ERC1: variants seen among roughly 807,000 people sequenced by gnomAD.
ERC1 encodes the protein RAB6 interacting protein 2.
Under a neutral mutation model 132.0 loss-of-function variants are expected in ERC1, and 56 were observed. The observed-to-expected ratio is 0.42, with a 90% CI of 0.34 to 0.53. The LOEUF (loss-of-function observed/expected upper bound fraction) is 0.53. Among genes scored for constraint, ERC1 ranks in the 20% least tolerant of loss-of-function variants. The probability of loss-of-function intolerance (pLI) is 0.03; values close to 1 mark genes in which losing one functional copy is unlikely to be tolerated. For synonymous variants in ERC1, 478 were observed against 476.1 expected (o/e 1.00, Z -0.05); for missense variants, 1,202 against 1,349.9 (o/e 0.89, Z 1.72).
At chr12:1,079,155 T>C (rs1402089468) in intron 2 of ERC1, among the ~76,000 whole-genome samples, 2 of 145,080 alleles carry the variant, frequency 1.4e-5, no homozygotes, top group African/African-American at 4.9e-5. Context: ...CAAGTCGATA[T>C]ACAGAGATAC....
At chr12:1,425,765 C>A (rs983209548) in intron 17 of ERC1, among the ~76,000 whole-genome samples, 1 of 152,124 alleles carries the variant, frequency 6.6e-6, no homozygotes, top group Non-Finnish European at 1.5e-5. Flanking sequence ...TTAAATTCCT[C>A]AAGGTTCAGA....
chr12:1,049,019 A>C (rs140988669), intron 2 of ERC1, among the ~76,000 whole-genome samples: 7 of 152,350 alleles, frequency 4.6e-5, no homozygotes, highest in Non-Finnish European at 8.8e-5. Context: ...GGCCTTCTTG[A>C]AAATTATAAG....
intron 15 of ERC1, among the ~76,000 whole-genome samples, chr12:1,362,055 C>A (rs1388733102): frequency 1.3e-5 from 2 of 152,176 alleles, no homozygotes; most frequent in Non-Finnish European, 2.9e-5. Context: ...GTGTCATTAT[C>A]TTGCATCCCT....
Position 1,163,004 on chromosome 12 carries a change from C to A in ERC1, c.1738-17536C>A, listed in dbSNP as rs1348547669. On this transcript the variant is annotated intron_variant, in intron 8 of 18. Coordinates refer to ENST00000360905, the MANE Select transcript of ERC1 (RefSeq NM_178040.4). Reference sequence around the variant, plus strand: ...ATATCATTTTATTGCAAAAACAATGCGCAGTAAATGAAGTTTGATTTGATG... The same window carrying A: ...ATATCATTTTATTGCAAAAACAATGAGCAGTAAATGAAGTTTGATTTGATG... Among the ~76,000 whole-genome samples the A allele has an allele frequency of 2.0e-5, 3 of 152,082 alleles. No homozygotes were observed. In the East Asian group the frequency reaches 5.8e-4, roughly 29 times the overall value.
At chr12:1,208,048 C>A (rs1199853887) in intron 12 of ERC1, among the ~76,000 whole-genome samples, 2 of 152,136 alleles carry the variant, frequency 1.3e-5, no homozygotes, top group African/African-American at 4.8e-5. Context: ...AATGCTATCA[C>A]CTTCTTTATC....
intron 13 of ERC1, among the ~76,000 whole-genome samples, chr12:1,256,544 A>G (rs1187009206): frequency 1.3e-5 from 2 of 150,542 alleles, no homozygotes; most frequent in Admixed American, 1.3e-4. Context: ...ATTTTTTTTC[A>G]GCTGAACTTT....
At chr12:1,262,990 TTAAG>T in intron 13 of ERC1, 40 bp from the exon 14 acceptor site, 1 of 1,605,154 alleles carries the variant, frequency 6.2e-7, no homozygotes, top group Non-Finnish European at 8.5e-7. Flanking sequence ...TCTCCCTGGG[TTAAG>T]TAATTAATCC....
At chr12:1,342,142 G>A (rs1230347128) in intron 15 of ERC1, among the ~76,000 whole-genome samples, 2 of 151,910 alleles carry the variant, frequency 1.3e-5, no homozygotes, top group African/African-American at 2.4e-5. Context: ...TCCTGAAAAA[G>A]TCAAGTAAAG....
intron 15 of ERC1, among the ~76,000 whole-genome samples, chr12:1,367,388 AT>A (rs2086761043): frequency 6.6e-6 from 1 of 152,182 alleles, no homozygotes; most frequent in African/African-American, 2.4e-5. Flanking sequence ...CAGTCATTCA[AT>A]TTGACATACT....
At chr12:1,233,717 T>A (rs764241743) in intron 12 of ERC1, among the ~76,000 whole-genome samples, 12 of 152,086 alleles carry the variant, frequency 7.9e-5, no homozygotes, top group Non-Finnish European at 1.6e-4. Flanking sequence ...TGAGTCGTTG[T>A]ATGGAATAAT....
In ERC1 at chr12:1,334,663, G is replaced by A. The variant is rs111971077; in HGVS notation, c.2781-37170G>A. 8.7e-4 allele frequency among the ~76,000 whole-genome samples: 133 copies of A among 152,282 alleles called. 1 individual carries two copies. Among genetic ancestry groups the A allele is most frequent in the Middle Eastern group, 6.8e-3 (2 of 294 alleles). Reference sequence around the variant, plus strand: ...GTAGTATAGTTTGAAGTCAGGTAGCGTGATGCCTCCAGGTTTATTCTTTTT... The same window carrying A: ...GTAGTATAGTTTGAAGTCAGGTAGCATGATGCCTCCAGGTTTATTCTTTTT... On this transcript the variant is annotated intron_variant, in intron 15 of 18. Transcript: ENST00000360905.
At chr12:1,242,295 ATAACT>A (rs903181250) in intron 13 of ERC1, among the ~76,000 whole-genome samples, 16 of 152,330 alleles carry the variant, frequency 1.1e-4, no homozygotes, top group African/African-American at 3.1e-4. Flanking sequence ...AATTATACTA[ATAACT>A]TAAAGAATAT....
intron 15 of ERC1, among the ~76,000 whole-genome samples, chr12:1,367,544 C>T (rs1295424494): frequency 1.3e-5 from 2 of 152,172 alleles, no homozygotes; most frequent in East Asian, 1.9e-4. Flanking sequence ...TAATTACGGT[C>T]TCTTATTTAC....
chr12:1,119,866 C>T (rs1355557207), intron 7 of ERC1, among the ~76,000 whole-genome samples: 1 of 152,072 alleles, frequency 6.6e-6, no homozygotes, highest in Non-Finnish European at 1.5e-5. Context: ...TACTTTACTT[C>T]TTTAAGCCTC....
At chr12:1,195,404 A>G (rs1451061779) in intron 12 of ERC1, among the ~76,000 whole-genome samples, 1 of 152,212 alleles carries the variant, frequency 6.6e-6, no homozygotes. Context: ...AACCACAAGT[A>G]TGTGTAATTC....
At chr12:1,199,062 G>A (rs972047643) in intron 12 of ERC1, among the ~76,000 whole-genome samples, 11 of 147,760 alleles carry the variant, frequency 7.4e-5, no homozygotes, top group African/African-American at 2.0e-4. Context: ...ACAAACCACC[G>A]TCATGACCCA....
At chr12:1,136,856 C>G (rs945911554) in intron 7 of ERC1, among the ~76,000 whole-genome samples, 2 of 151,976 alleles carry the variant, frequency 1.3e-5, no homozygotes, top group African/African-American at 2.4e-5. Flanking sequence ...TAGTGATGTT[C>G]TCTTCATTAT....
chr12:1,007,540 C>CTCTCTCTCTGTG (rs1555194875), intron 1 of ERC1, among the ~76,000 whole-genome samples: 19 of 122,710 alleles, frequency 1.5e-4, no homozygotes, highest in African/African-American at 2.6e-4. Context: ...CTCTCTCTCT[C>CTCTCTCTCTGTG]TGTGTGTGTG....
chr12:991,024 G>C (rs1959183209), upstream of ERC1: 1 of 151,860 alleles, frequency 6.6e-6, no homozygotes, highest in Non-Finnish European at 1.5e-5. Context: ...CCGTGGCGCC[G>C]ATTTCCCCCG....
Sources: allele counts gnomAD v4.1 joint callset (sites outside exome capture counted in the v4.1 genomes callset), GRCh38; gene constraint gnomAD v4.1.1; transcripts MANE v1.5; gene names NCBI Gene and HGNC (gene_info 2026-07-23, HGNC 2026-07-21).